Variants in ANKRD30BL observed in about 807,000 individuals in gnomAD.
The protein encoded by ANKRD30BL is ankyrin repeat domain 30B like.
Under a neutral mutation model 18.4 loss-of-function variants are expected in ANKRD30BL, and 20 were observed. The ratio of observed to expected loss-of-function variants is 1.09; its 90% CI spans 0.77 to 1.58. The LOEUF (loss-of-function observed/expected upper bound fraction) is 1.58. Ranked by LOEUF, ANKRD30BL falls within the 40% of genes most tolerant of loss-of-function variation. The probability of loss-of-function intolerance (pLI) is 0.00; values close to 1 mark genes in which losing one functional copy is unlikely to be tolerated. For synonymous variants in ANKRD30BL, 72 were observed against 100.9 expected, an observed-to-expected ratio of 0.71 and a Z score of 1.72; for missense variants, 224 against 268.6, an observed-to-expected ratio of 0.83 and a Z score of 1.16.
intron 1 of ANKRD30BL, among the ~76,000 whole-genome samples, chr2:132,194,744 A>G (rs548338618): frequency 6.6e-6 from 1 of 152,332 alleles, no homozygotes; most frequent in South Asian, 2.1e-4. Flanking sequence ...AGATCTAAAC[A>G]TTAATTCAAG....
chr2:132,233,233 G>A (rs1348276997), intron 1 of ANKRD30BL, among the ~76,000 whole-genome samples: 1 of 151,952 alleles, frequency 6.6e-6, no homozygotes, highest in Non-Finnish European at 1.5e-5. Context: ...GCAAAATCAT[G>A]CCAAAATGTA....
At chr2:132,231,457 A>T (rs1446323339) in intron 1 of ANKRD30BL, among the ~76,000 whole-genome samples, 1 of 152,212 alleles carries the variant, frequency 6.6e-6, no homozygotes, top group Non-Finnish European at 1.5e-5. Flanking sequence ...AGTGCTAGAC[A>T]GTGGGCGCAG....
intron 1 of ANKRD30BL, among the ~76,000 whole-genome samples, chr2:132,201,480 A>G (rs1386416634): frequency 1.3e-5 from 2 of 152,242 alleles, no homozygotes; most frequent in Admixed American, 6.5e-5. Flanking sequence ...AAGTGGGCAA[A>G]GGACATGAAC....
At chr2:132,213,779 G>T (rs1390565111) in intron 1 of ANKRD30BL, among the ~76,000 whole-genome samples, 2 of 151,298 alleles carry the variant, frequency 1.3e-5, no homozygotes, top group African/African-American at 2.4e-5. Context: ...ATGGACATTT[G>T]GAGGGCTTTG....
chr2:132,222,211 T>TG (rs1256274409), intron 1 of ANKRD30BL, among the ~76,000 whole-genome samples: 8 of 139,136 alleles, frequency 5.7e-5, no homozygotes, highest in Non-Finnish European at 7.8e-5. Context: ...GGGAGGGTGG[T>TG]GGGGGGGTCA....
At chr2:132,227,511 G>A (rs1352991962) in intron 1 of ANKRD30BL, among the ~76,000 whole-genome samples, 1 of 149,648 alleles carries the variant, frequency 6.7e-6, no homozygotes, top group African/African-American at 2.4e-5. Context: ...GTGGATATTA[G>A]GTACCCCTTG....
chr2:132,207,729 C>G (rs1679237117), intron 1 of ANKRD30BL, among the ~76,000 whole-genome samples: 1 of 152,078 alleles, frequency 6.6e-6, no homozygotes, highest in Admixed American at 6.6e-5. Flanking sequence ...AGGCAAATCT[C>G]TATGAATCAC....
At chr2:132,178,924 T>G (rs1291210709) in intron 1 of ANKRD30BL, among the ~76,000 whole-genome samples, 1 of 151,484 alleles carries the variant, frequency 6.6e-6, no homozygotes, top group Non-Finnish European at 1.5e-5. Context: ...GTTTTAAGCC[T>G]GGGTAACTGG....
chr2:132,201,457 C>G (rs1679095905), intron 1 of ANKRD30BL, among the ~76,000 whole-genome samples: 1 of 152,010 alleles, frequency 6.6e-6, no homozygotes, highest in African/African-American at 2.4e-5. Flanking sequence ...AAGAAAAAAA[C>G]AACCCCATCA....
intron 1 of ANKRD30BL, among the ~76,000 whole-genome samples, chr2:132,175,919 T>G (rs1334792677): frequency 3.9e-5 from 6 of 152,040 alleles, no homozygotes; most frequent in Non-Finnish European, 8.8e-5. Flanking sequence ...TGGGGCAAAG[T>G]TACAGATTAA....
intron 1 of ANKRD30BL, among the ~76,000 whole-genome samples, chr2:132,209,216 C>T (rs1391880763): frequency 6.6e-6 from 1 of 151,992 alleles, no homozygotes; most frequent in Admixed American, 6.6e-5. Context: ...TGAGAAACTT[C>T]TTTGTGATGT....
Position 132,147,806 on chromosome 2 carries a change from G to T in ANKRD30BL, c.*325C>A. On this transcript the variant is annotated 3_prime_UTR_variant, in exon 6 of 6. Transcript: ENST00000409867. ...GAGGGCAGGGGTATGAGCTGGAGTG[G>T]CAGGGTGAGTAGTTTCAGCGGGAAA... The T allele has an allele frequency of 3.1e-6, 1 of 322,598 alleles. No individual in the cohort carries two copies. The highest frequency in any genetic ancestry group is 6.0e-6 in the Non-Finnish European group (1 of 166,200). The allele number at this position is 322,598 out of a possible 1,614,324, so 20.0% of individuals were successfully genotyped here.
rs1688067360 is a variant in ANKRD30BL at position 132,161,683 on chromosome 2, G to A, written c.23C>T (p.Pro8Leu). 6.9e-7 allele frequency: 1 copy of A among 1,448,406 alleles called. No homozygotes were observed. The highest frequency in any genetic ancestry group is 1.2e-5 in the South Asian group (1 of 81,882). 89.7% of individuals were successfully genotyped at this position (1,448,406 alleles called of 1,614,324 possible). A position where few individuals can be genotyped will look rare whatever the true frequency, so the allele number is the denominator to read the frequency against. ...CTCTGGGCCCGTCTGGCCCTTGACA[G>A]GGGCGGCAGAGAGCCTCTCCATGGC... Reference protein sequence around the residue: MERLSAAPVKGQTGPERP... With the variant: MERLSAALVKGQTGPERP... Residue 8 changes from proline (P) to leucine (L), a missense_variant, in exon 1 of 6, where the codon CCT becomes CTT. Transcript: ENST00000409867.
At chr2:132,160,402 T>C (rs11892249) in intron 1 of ANKRD30BL, among the ~76,000 whole-genome samples, 16 of 80,000 alleles carry the variant, frequency 2.0e-4, no homozygotes, top group South Asian at 1.5e-3. Flanking sequence ...CGCCTGGCCC[T>C]TTTTTTTTTT....
intron 1 of ANKRD30BL, among the ~76,000 whole-genome samples, chr2:132,173,060 T>A (rs1272665438): frequency 1.3e-5 from 2 of 152,156 alleles, no homozygotes; most frequent in Non-Finnish European, 2.9e-5. Context: ...AATTTTTTTA[T>A]TTTTTCATTC....
intron 1 of ANKRD30BL, among the ~76,000 whole-genome samples, chr2:132,240,769 T>A (rs1199228794): frequency 6.6e-6 from 1 of 151,886 alleles, no homozygotes; most frequent in Non-Finnish European, 1.5e-5. Context: ...GAAACCCTCT[T>A]TTTGTAGTTT....
At chr2:132,224,050 G>A (rs1679773334) in intron 1 of ANKRD30BL, among the ~76,000 whole-genome samples, 1 of 152,098 alleles carries the variant, frequency 6.6e-6, no homozygotes, top group Non-Finnish European at 1.5e-5. Flanking sequence ...TCTTTTGATA[G>A]GGCAGGGTTG....
intron 1 of ANKRD30BL, among the ~76,000 whole-genome samples, chr2:132,233,213 A>C (rs1573872708): frequency 6.6e-6 from 1 of 151,994 alleles, no homozygotes; most frequent in Non-Finnish European, 1.5e-5. Context: ...AACAACCAGT[A>C]CCAGCCACTG....
At chr2:132,218,326 T>A (rs1679567471) in intron 1 of ANKRD30BL, among the ~76,000 whole-genome samples, 2 of 152,128 alleles carry the variant, frequency 1.3e-5, no homozygotes, top group Non-Finnish European at 2.9e-5. Flanking sequence ...CCCAGAAACT[T>A]CTTTTTGAGG....
Sources: allele counts gnomAD v4.1 joint callset (sites outside exome capture counted in the v4.1 genomes callset), GRCh38; gene constraint gnomAD v4.1.1; transcripts MANE v1.5; gene names NCBI Gene and HGNC (gene_info 2026-07-23, HGNC 2026-07-21).